The following PCDHGB7 variants were observed in gnomAD, a reference collection of about 807,000 sequenced individuals.
PCDHGB7 encodes protocadherin gamma subfamily B, 7, also known as protocadherin gamma-B7.
PCDHGB7 carries 37 observed loss-of-function variants against 61.4 expected under a neutral mutation model. The ratio of observed to expected loss-of-function variants is 0.60; its 90% CI spans 0.46 to 0.79. The LOEUF (loss-of-function observed/expected upper bound fraction) is 0.79, where lower values mean the gene tolerates loss of function less well. Among genes scored for constraint, PCDHGB7 ranks in the 30% least tolerant of loss-of-function variants. PCDHGB7 has a pLI of 0.00. For synonymous variants in PCDHGB7, 464 were observed against 503.5 expected (o/e 0.92, Z 1.05); for missense variants, 1,166 against 1,202.5 (o/e 0.97, Z 0.45).
rs13178808 is a variant in PCDHGB7 at position 141,491,920 on chromosome 5, G to A, written c.2416-2887G>A. 1.2e-4 allele frequency: 164 copies of A among 1,356,270 alleles called. No individual in the cohort carries two copies. Among genetic ancestry groups the A allele is most frequent in the Non-Finnish European group, 1.5e-4 (155 of 1,015,194 alleles). The allele number at this position is 1,356,270 out of a possible 1,614,324, so 84.0% of individuals were successfully genotyped here. On this transcript the variant is annotated intron_variant, in intron 1 of 3. Transcript: ENST00000398594. This position sits in a 1 kb window ranked among gnomAD's most constrained non-coding sequence, Gnocchi z 6.9. ...ACCGGGGGTGGTGGCGACTGTGGGC[G>A]AGGGGAGGTGGGACCGACCCCCACC...
In PCDHGB7 at chr5:141,462,600, A is replaced by G. The variant is rs2154567827; in HGVS notation, c.2416-32207A>G. ...ATCCAGTGAAGTTTCCATTTCATAT[A>G]TTGTATTTTTCACTTTTAGAAGTTC... is the stretch of plus-strand genomic sequence containing the variant. On this transcript the variant is annotated intron_variant, in intron 1 of 3. Coordinates refer to ENST00000398594, the MANE Select transcript of PCDHGB7 (RefSeq NM_018927.4). Among the ~76,000 whole-genome samples, 6 of 152,076 alleles carry G rather than the reference A, an allele frequency of 3.9e-5. No homozygotes were observed. In the Middle Eastern group the frequency reaches 0.014, roughly 345 times the overall value.
intron 1 of PCDHGB7, among the ~76,000 whole-genome samples, chr5:141,459,386 T>C (rs1283863283): frequency 6.6e-6 from 1 of 152,260 alleles, no homozygotes; most frequent in African/African-American, 2.4e-5. Context: ...GTGTTCCATT[T>C]GATTGTTGAG....
intron 1 of PCDHGB7, chr5:141,423,830 G>A (rs527344048): frequency 5.5e-6 from 7 of 1,273,204 alleles, no homozygotes; most frequent in African/African-American, 3.1e-5. Flanking sequence ...CCTTTCATGA[G>A]ATTACGATAA....
At position 141,431,031 on chromosome 5, in the gene PCDHGB7, A is replaced by C; in HGVS notation, c.2415+10757A>C. Reference sequence around the variant, plus strand: ...AGCTTGGTCACGGCGGGCAGGATAGACCGGGAGGAGCTCTGTATGGGGGCC... The same window carrying C: ...AGCTTGGTCACGGCGGGCAGGATAGCCCGGGAGGAGCTCTGTATGGGGGCC... On this transcript the variant is annotated intron_variant, in intron 1 of 3. Coordinates refer to ENST00000398594, the MANE Select transcript of PCDHGB7 (RefSeq NM_018927.4). This position sits in a 1 kb window ranked among gnomAD's most constrained non-coding sequence, Gnocchi z 4.8. 1 of 1,614,036 alleles carries C rather than the reference A, an allele frequency of 6.2e-7. No homozygotes were observed. The highest frequency in any genetic ancestry group is 8.5e-7 in the Non-Finnish European group (1 of 1,180,000).
chr5:141,422,546 G>T, intron 1 of PCDHGB7: 2 of 1,613,972 alleles, frequency 1.2e-6, no homozygotes, highest in South Asian at 2.2e-5. Flanking sequence ...ACTCATGTCT[G>T]GCTGAATGTG....
In PCDHGB7 at chr5:141,476,990, C is replaced by A; in HGVS notation, c.2416-17817C>A. On this transcript the variant is annotated intron_variant, in intron 1 of 3. Coordinates refer to ENST00000398594, the MANE Select transcript of PCDHGB7 (RefSeq NM_018927.4). The surrounding 1 kb of genome is among the most constrained non-coding windows in gnomAD (Gnocchi z 7.6). Reference sequence around the variant, plus strand: ...CGGCAGCCACAACCGCGCCGGCGTGCGGCAACTATTCGCCTTAGACCTTGT... The same window carrying A: ...CGGCAGCCACAACCGCGCCGGCGTGAGGCAACTATTCGCCTTAGACCTTGT... The A allele has an allele frequency of 6.2e-7, 1 of 1,614,220 alleles. No individual in the cohort carries two copies. Among genetic ancestry groups the A allele is most frequent in the South Asian group, 1.1e-5 (1 of 91,090 alleles).
chr5:141,492,870 C>G (rs2099744684), intron 1 of PCDHGB7, among the ~76,000 whole-genome samples: 1 of 152,192 alleles, frequency 6.6e-6, no homozygotes, highest in African/African-American at 2.4e-5. Flanking sequence ...TGGCTCTCAA[C>G]CCCCAGAGAT....
rs556484142 is a variant in PCDHGB7 at position 141,503,243 on chromosome 5, CA to C, written c.2475-2149del. On this transcript the variant is annotated intron_variant, in intron 2 of 3. Coordinates refer to ENST00000398594, the MANE Select transcript of PCDHGB7 (RefSeq NM_018927.4). ...CACCGTAAAGATGGACAGTTTCTAT[CA>C]TACTCACAGCCACAACCCCAGCACC... Among the ~76,000 whole-genome samples, 232 of 152,196 alleles carry C rather than the reference CA, an allele frequency of 1.5e-3. 2 individuals carry two copies. Among genetic ancestry groups the C allele is most frequent in the African/African-American group, 5.3e-3 (219 of 41,516 alleles).
At position 141,486,634 on chromosome 5, in the gene PCDHGB7, T is replaced by C; in HGVS notation, c.2416-8173T>C. 1 of 1,613,762 alleles carries C rather than the reference T, an allele frequency of 6.2e-7. No individual in the cohort carries two copies. The highest frequency in any genetic ancestry group is 8.5e-7 in the Non-Finnish European group (1 of 1,180,044). ...CCTCTGACCCAGACTCTGGCTTGAA[T>C]GCGCTTATCTCCTACTCACTCCTGG... On this transcript the variant is annotated intron_variant, in intron 1 of 3. Coordinates refer to ENST00000398594, the MANE Select transcript of PCDHGB7 (RefSeq NM_018927.4). The surrounding 1 kb of genome is among the most constrained non-coding windows in gnomAD (Gnocchi z 5.0).
rs946798767 is a variant in PCDHGB7, at chr5:141,438,591, CATATATATAT to C, written c.2415+18353_2415+18362del. On this transcript the variant is annotated intron_variant, in intron 1 of 3. Transcript: ENST00000398594. The stretch of plus-strand genomic sequence containing the variant: ...TCTGATATACATACATACATACATA[CATATATATAT>C]ATATATATATATATATATATATATA... Among the ~76,000 whole-genome samples, 12 of 75,572 alleles carry C rather than the reference CATATATATAT, an allele frequency of 1.6e-4. No individual in the cohort carries two copies. The East Asian group carries it at 1.7e-3, about 11-fold the overall frequency. The allele number at this position is 75,572 out of a possible 152,430, so 49.6% of individuals were successfully genotyped here.
rs1342481070 is a variant in PCDHGB7 at position 141,485,056 on chromosome 5, C to T, written c.2416-9751C>T. 8 of 840,338 alleles carry T rather than the reference C, an allele frequency of 9.5e-6. No homozygotes were observed. The Admixed American group carries it at 1.9e-4, about 20-fold the overall frequency. 52.1% of individuals were successfully genotyped at this position (840,338 alleles called of 1,614,324 possible). A position where few individuals can be genotyped will look rare whatever the true frequency, so the allele number is the denominator to read the frequency against. The stretch of plus-strand genomic sequence containing the variant: ...CGTAACCCTTGCGGCGCCGGCCGAA[C>T]CGCGCCAGAGCTGGCGCGGGGAAAG... On this transcript the variant is annotated intron_variant, in intron 1 of 3. Transcript: ENST00000398594. The surrounding 1 kb of genome is among the most constrained non-coding windows in gnomAD (Gnocchi z 5.7).
chr5:141,427,832 T>C, intron 1 of PCDHGB7: 1 of 1,540,264 alleles, frequency 6.5e-7, no homozygotes, highest in Non-Finnish European at 8.9e-7. Flanking sequence ...TCGCGCAGCG[T>C]GCCTTCGACC....
intron 1 of PCDHGB7, among the ~76,000 whole-genome samples, chr5:141,445,415 C>A (rs1235584061): frequency 6.6e-6 from 1 of 152,140 alleles, no homozygotes; most frequent in Non-Finnish European, 1.5e-5. Context: ...TAACTGTCTG[C>A]TATATGCAAG....
chr5:141,460,909 G>GGTGT (rs548378036), intron 1 of PCDHGB7, among the ~76,000 whole-genome samples: 1 of 123,246 alleles, frequency 8.1e-6, no homozygotes, highest in African/African-American at 3.7e-5. Flanking sequence ...AATATTCCAT[G>GGTGT]GTGTATATAT....
Position 141,419,102 on chromosome 5 carries a change from A to G in PCDHGB7, c.1243A>G (p.Thr415Ala), listed in dbSNP as rs201327680. 73 of 1,613,748 alleles carry G rather than the reference A, an allele frequency of 4.5e-5. No homozygotes were observed. Among genetic ancestry groups the G allele is most frequent in the Non-Finnish European group, 5.9e-5 (70 of 1,179,892 alleles). Residue 415 changes from threonine (T) to alanine (A), a missense_variant, in exon 1 of 4, where the codon ACC becomes GCC. Thr to Ala is a moderately conservative substitution (Grantham distance 58). Transcript: ENST00000398594. ...AGATGAGGCCCTGGATCGGGAGCAG[A>G]CCCCAGAGTACAACGTCACCATCGC... Reference protein sequence around the residue: ...VTDEALDREQTPEYNVTIAAT... With the variant: ...VTDEALDREQAPEYNVTIAAT...
chr5:141,466,014 C>T (rs962233749), intron 1 of PCDHGB7, among the ~76,000 whole-genome samples: 75 of 151,848 alleles, frequency 4.9e-4, no homozygotes, highest in African/African-American at 1.2e-3. Flanking sequence ...CCCAGCTACT[C>T]GGGAGGGTGA....
intron 1 of PCDHGB7, chr5:141,423,477 C>T (rs376147466): frequency 1.5e-5 from 24 of 1,613,872 alleles, no homozygotes; most frequent in Non-Finnish European, 1.9e-5. Flanking sequence ...TACAGGCTTT[C>T]CTGCAAACCT....
rs759817545 is a variant in PCDHGB7, at chr5:141,420,062, T to G, written c.2203T>G (p.Ser735Ala). The stretch of plus-strand genomic sequence containing the variant: ...CTTTGAGTCAGTTCTCTGCTCCAAG[T>G]CCGGACCTGTGGGTCCCCCCAACTA... ...DCFESVLCSK[S>A]GPVGPPNYSE... Residue 735 changes from serine (S) to alanine (A), a missense_variant, in exon 1 of 4, where the codon TCC becomes GCC. By Grantham distance (99) the Ser-to-Ala change is moderately conservative (BLOSUM62 1). Coordinates refer to ENST00000398594, the MANE Select transcript of PCDHGB7 (RefSeq NM_018927.4). 1 of 1,614,066 alleles carries G rather than the reference T, an allele frequency of 6.2e-7. No individual in the cohort carries two copies. The highest frequency in any genetic ancestry group is 8.5e-7 in the Non-Finnish European group (1 of 1,179,892).
chr5:141,508,451 C>T (rs1245251907), intron 3 of PCDHGB7, among the ~76,000 whole-genome samples: 1 of 152,180 alleles, frequency 6.6e-6, no homozygotes, highest in Admixed American at 6.5e-5. Flanking sequence ...AGTGGCAGAG[C>T]AGAGCAAATA....
Sources: gnomAD v4.1 joint callset for allele counts (sites outside exome capture counted in the v4.1 genomes callset) on GRCh38, gnomAD v4.1.1 for gene constraint, Gnocchi (gnomAD v3.1) non-coding constraint, MANE v1.5 for transcripts, NCBI Gene and HGNC (gene_info 2026-07-23, HGNC 2026-07-21) for gene names.